ANK3: variants seen among roughly 807,000 people sequenced by gnomAD.
ANK3 encodes the protein ankyrin-3.
Under a neutral mutation model 370.9 loss-of-function variants are expected in ANK3, and 57 were observed. The observed-to-expected ratio is 0.15, with a 90% CI of 0.12 to 0.19. The LOEUF (loss-of-function observed/expected upper bound fraction) is 0.19. Ranked by LOEUF, ANK3 falls within the 10% of genes least tolerant of loss-of-function variation. ANK3 has a pLI of 1.00. For missense variants in ANK3, 4,439 were observed against 5,302.1 expected, an observed-to-expected ratio of 0.84 and a Z score of 5.06; for synonymous variants, 1,929 against 1,946.3, an observed-to-expected ratio of 0.99 and a Z score of 0.23.
chr10:60,650,062 C>T (rs1488373601), intron 1 of ANK3, among the ~76,000 whole-genome samples: 1 of 152,150 alleles, frequency 6.6e-6, no homozygotes, highest in Non-Finnish European at 1.5e-5. Context: ...AGACAGAAAG[C>T]ATAAGCAAAA....
rs183865121 is a variant in ANK3 at position 60,094,224 on chromosome 10, G to A, written c.3329-5866C>T. On this transcript the variant is annotated intron_variant, in intron 28 of 43. Transcript: ENST00000280772. ...TTTTGGACAGGGTCTCACTCACTCT[G>A]TTGCTTAGGATAGAGTGCAGTGGTA... 8.0e-5 allele frequency among the ~76,000 whole-genome samples: 10 copies of A among 125,772 alleles called. No individual in the cohort carries two copies. In the East Asian group the frequency reaches 2.3e-3, roughly 29 times the overall value. 82.5% of individuals were successfully genotyped at this position (125,772 alleles called of 152,430 possible). A position where few individuals can be genotyped will look rare whatever the true frequency, so the allele number is the denominator to read the frequency against.
rs12098398 is a variant in ANK3, at chr10:60,448,700, C to A, written c.96+166486G>T. On this transcript the variant is annotated intron_variant, in intron 2 of 43. Transcript: ENST00000373827. ...CAACCTAGCCAGTTGGGGAGAACAG[C>A]AGGATTCTAGCATGGCTTATTTTGC... Among the ~76,000 whole-genome samples, 655 of 152,292 alleles carry A rather than the reference C, an allele frequency of 4.3e-3. 6 individuals are homozygous for A. Among genetic ancestry groups the A allele is most frequent in the African/African-American group, 0.015 (631 of 41,574 alleles).
At chr10:60,061,075 G>A (rs898094147) in intron 40 of ANK3, among the ~76,000 whole-genome samples, 5 of 152,174 alleles carry the variant, frequency 3.3e-5, no homozygotes. Flanking sequence ...CACAGTTTCT[G>A]AATTGTTGGT....
chr10:60,211,270 A>G (rs992859746), intron 9 of ANK3, among the ~76,000 whole-genome samples: 1 of 111,408 alleles, frequency 9.0e-6, no homozygotes, highest in Non-Finnish European at 2.1e-5. Flanking sequence ...TGTCTGGAGA[A>G]GGTGAACTAG....
chr10:60,596,309 A>G (rs945923581), intron 2 of ANK3, among the ~76,000 whole-genome samples: 1 of 152,118 alleles, frequency 6.6e-6, no homozygotes, highest in Non-Finnish European at 1.5e-5. Context: ...ATGGCTGAAC[A>G]CTCAACAATA....
At chr10:60,307,192 C>T (rs957421599) in intron 1 of ANK3, among the ~76,000 whole-genome samples, 4 of 152,194 alleles carry the variant, frequency 2.6e-5, no homozygotes, top group Non-Finnish European at 5.9e-5. Context: ...TGTCATACTA[C>T]AATGACAGAA....
intron 2 of ANK3, among the ~76,000 whole-genome samples, chr10:60,416,782 T>C (rs1351514230): frequency 6.6e-6 from 1 of 152,228 alleles, no homozygotes; most frequent in African/African-American, 2.4e-5. Flanking sequence ...AACATTTTTA[T>C]CACCACTCAG....
intron 1 of ANK3, among the ~76,000 whole-genome samples, chr10:60,638,937 AG>A (rs35630182): frequency 0.68 from 103,077 of 151,864 alleles, 35,093 homozygotes; most frequent in South Asian, 0.82. Flanking sequence ...TCTCAAAGAA[AG>A]GGGGGAGAAG....
intron 7 of ANK3, among the ~76,000 whole-genome samples, chr10:60,243,652 T>C (rs1240521461): frequency 3.3e-5 from 5 of 152,238 alleles, no homozygotes; most frequent in African/African-American, 7.2e-5. Flanking sequence ...GTCTTAAGAA[T>C]GGTGCTTGGC....
intron 2 of ANK3, among the ~76,000 whole-genome samples, chr10:60,584,621 T>C (rs190612507): frequency 6.6e-6 from 1 of 151,984 alleles, no homozygotes; most frequent in Non-Finnish European, 1.5e-5. Flanking sequence ...CATCTCCTAA[T>C]GAAAACAACA....
chr10:60,286,975 C>CT (rs1017808558), intron 1 of ANK3, among the ~76,000 whole-genome samples: 17 of 152,130 alleles, frequency 1.1e-4, no homozygotes, highest in African/African-American at 3.9e-4. Flanking sequence ...TCAGGACAGA[C>CT]TTTTTTCCCT....
Position 60,071,005 on chromosome 10 carries a change from C to G in ANK3, c.9876G>C (p.Lys3292Asn). ...TAATGACAGGTTCAGCCAGCTGGTA[C>G]TTGTCATGCTCATCTTGCAGATTGA... ...IEVNLQDEHD[K>N]YQLAEPVIRV... Residue 3292 changes from lysine to asparagine, a missense_variant, in exon 37 of 44, where the codon AAG becomes AAC. Lys to Asn is a moderately conservative substitution (Grantham distance 94). Around this residue, in one of 13 missense-constraint regions of ANK3, gnomAD observed 1,601 missense variants for 1,731.7 expected, o/e 0.92. Transcript: ENST00000280772. The G allele has an allele frequency of 6.2e-7, 1 of 1,614,122 alleles. No individual in the cohort carries two copies. The highest frequency in any genetic ancestry group is 8.5e-7 in the Non-Finnish European group (1 of 1,180,012).
intron 1 of ANK3, among the ~76,000 whole-genome samples, chr10:60,699,265 G>A (rs1258920979): frequency 2.6e-5 from 4 of 151,670 alleles, no homozygotes; most frequent in Non-Finnish European, 5.9e-5. Context: ...CTGTACCCCA[G>A]TAACCCATGG....
intron 1 of ANK3, among the ~76,000 whole-genome samples, chr10:60,294,174 C>A (rs746547575): frequency 6.6e-6 from 1 of 151,670 alleles, no homozygotes; most frequent in Non-Finnish European, 1.5e-5. Flanking sequence ...TTTTTTAGAC[C>A]AGGAAATAAA....
rs1055679282 is a variant in ANK3 at position 60,162,129 on chromosome 10, C to T, written c.2614+4462G>A. Among the ~76,000 whole-genome samples, 3 of 152,220 alleles carry T rather than the reference C, an allele frequency of 2.0e-5. No homozygotes were observed. In the East Asian group the frequency reaches 5.8e-4, roughly 29 times the overall value. Reference sequence around the variant, plus strand: ...TTGTTCCTTTTCCTTAACACACCTCCTTTTTTTGAAGCTAAAAATATGCAT... The same window carrying T: ...TTGTTCCTTTTCCTTAACACACCTCTTTTTTTTGAAGCTAAAAATATGCAT... On this transcript the variant is annotated intron_variant, in intron 23 of 43. Transcript: ENST00000280772.
intron 1 of ANK3, among the ~76,000 whole-genome samples, chr10:60,336,646 GC>G (rs1368886238): frequency 6.6e-6 from 1 of 152,058 alleles, no homozygotes; most frequent in Non-Finnish European, 1.5e-5. Flanking sequence ...AAATGAATGT[GC>G]ATTTTAAGAA....
At chr10:60,636,931 T>C (rs2078562712) in intron 1 of ANK3, among the ~76,000 whole-genome samples, 1 of 152,202 alleles carries the variant, frequency 6.6e-6, no homozygotes, top group African/African-American at 2.4e-5. Flanking sequence ...ATGGAGAAGA[T>C]AGGGCAGTGG....
chr10:60,140,728 G>A, intron 23 of ANK3: 1 of 1,157,412 alleles, frequency 8.6e-7, no homozygotes, highest in Non-Finnish European at 1.1e-6. Flanking sequence ...GGACAGAATG[G>A]TGACATAAAT....
chr10:60,515,456 T>A (rs2076194802), intron 2 of ANK3, among the ~76,000 whole-genome samples: 1 of 152,150 alleles, frequency 6.6e-6, no homozygotes, highest in Non-Finnish European at 1.5e-5. Context: ...CTCTGGCCTA[T>A]GAGAAGAAGG....
Sources: gnomAD v4.1 joint callset for allele counts (sites outside exome capture counted in the v4.1 genomes callset) on GRCh38, gnomAD v4.1.1 for gene constraint, gnomAD v4.1.1 regional missense constraint, MANE v1.5 for transcripts, NCBI Gene and HGNC (gene_info 2026-07-23, HGNC 2026-07-21) for gene names.